GPC6: variants seen among roughly 807,000 people sequenced by gnomAD.
The protein encoded by GPC6 is glypican 6, also known as glypican-6.
In GPC6, 14 loss-of-function variants were observed where a neutral mutation model predicts 55.2. The observed-to-expected ratio is 0.25, with a 90% confidence interval of 0.17 to 0.40. The LOEUF is 0.40. Ranked by LOEUF, GPC6 falls within the 10% of genes least tolerant of loss-of-function variation. The pLI is 1.00. For missense variants in GPC6, 641 were observed against 708.5 expected (o/e 0.90, Z 1.08); for synonymous variants, 278 against 259.6 (o/e 1.07, Z -0.68).
intron 2 of GPC6, among the ~76,000 whole-genome samples, chr13:93,625,532 A>G (rs1879163878): frequency 6.6e-6 from 1 of 152,146 alleles, no homozygotes; most frequent in Admixed American, 6.5e-5. Flanking sequence ...TCCAGGTGTC[A>G]ACCCAGGTAG....
At chr13:93,345,123 G>A (rs1014342749) in intron 1 of GPC6, among the ~76,000 whole-genome samples, 1 of 152,164 alleles carries the variant, frequency 6.6e-6, no homozygotes, top group Non-Finnish European at 1.5e-5. Flanking sequence ...TGATTAAAAT[G>A]TTGAGGGCTT....
intron 3 of GPC6, among the ~76,000 whole-genome samples, chr13:93,946,652 C>T (rs1879024798): frequency 6.6e-6 from 1 of 152,082 alleles, no homozygotes; most frequent in Non-Finnish European, 1.5e-5. Flanking sequence ...TTTGTACAGG[C>T]CAAGGCCTCA....
intron 6 of GPC6, among the ~76,000 whole-genome samples, chr13:94,376,653 C>T (rs1012255763): frequency 6.6e-6 from 1 of 151,722 alleles, no homozygotes; most frequent in Non-Finnish European, 1.5e-5. Flanking sequence ...CAATGCCATC[C>T]CCATCAAGCT....
At position 93,895,234 on chromosome 13, in the gene GPC6, G is replaced by GTGTATATA. The variant is rs1196315147; in HGVS notation, c.711+64690_711+64691insGTATATAT. 1.1e-3 allele frequency among the ~76,000 whole-genome samples: 116 copies of GTGTATATA among 108,182 alleles called. 2 individuals are homozygous for GTGTATATA. The highest frequency in any genetic ancestry group is 5.4e-3 in the Middle Eastern group (1 of 186). 71.0% of individuals were successfully genotyped at this position (108,182 alleles called of 152,430 possible). The stretch of plus-strand genomic sequence containing the variant: ...TGTGTGTGTATGTATGTGTGTGTGT[G>GTGTATATA]TATATATATATATATATATATATAT... On this transcript the variant is annotated intron_variant, in intron 3 of 8. Coordinates refer to ENST00000377047, the MANE Select transcript of GPC6 (RefSeq NM_005708.5).
At chr13:93,883,388 A>G (rs1306731242) in intron 3 of GPC6, among the ~76,000 whole-genome samples, 3 of 152,106 alleles carry the variant, frequency 2.0e-5, no homozygotes, top group East Asian at 1.9e-4. Flanking sequence ...GTAATTGTCC[A>G]TATACCAGCA....
At chr13:93,328,145 G>A (rs1594099458) in intron 1 of GPC6, among the ~76,000 whole-genome samples, 1 of 151,696 alleles carries the variant, frequency 6.6e-6, no homozygotes, top group South Asian at 2.1e-4. Flanking sequence ...TCTACCTCAG[G>A]AACCTATCTG....
chr13:93,764,170 T>C (rs1885039747), intron 2 of GPC6, among the ~76,000 whole-genome samples: 1 of 152,112 alleles, frequency 6.6e-6, no homozygotes, highest in Non-Finnish European at 1.5e-5. Context: ...CCTTTTGCTA[T>C]ATGTTAGACC....
chr13:93,680,684 G>C (rs1267352002), intron 2 of GPC6, among the ~76,000 whole-genome samples: 1 of 152,186 alleles, frequency 6.6e-6, no homozygotes, highest in African/African-American at 2.4e-5. Context: ...GTCAGTGGAA[G>C]AGGCTGCTCT....
intron 4 of GPC6, among the ~76,000 whole-genome samples, chr13:94,110,901 T>C (rs1886221892): frequency 6.6e-6 from 1 of 152,172 alleles, no homozygotes; most frequent in Non-Finnish European, 1.5e-5. Context: ...TACTGGCTCA[T>C]AAAATATGAC....
At chr13:93,282,178 A>G (rs1877973461) in intron 1 of GPC6, among the ~76,000 whole-genome samples, 1 of 152,194 alleles carries the variant, frequency 6.6e-6, no homozygotes, top group African/African-American at 2.4e-5. Context: ...TTTGAAGTGA[A>G]TATTTTTACA....
At chr13:93,424,945 C>T (rs1877068516) in intron 1 of GPC6, among the ~76,000 whole-genome samples, 1 of 152,114 alleles carries the variant, frequency 6.6e-6, no homozygotes, top group Non-Finnish European at 1.5e-5. Context: ...GGACATAGTA[C>T]TTTCTAAATG....
Position 93,227,309 on chromosome 13 carries a change from G to A in GPC6, c.-148G>A. 1 of 730,596 alleles carries A rather than the reference G, an allele frequency of 1.4e-6. No individual in the cohort carries two copies. The highest frequency in any genetic ancestry group is 2.3e-6 in the Non-Finnish European group (1 of 432,592). The allele number at this position is 730,596 out of a possible 1,614,324, so 45.3% of individuals were successfully genotyped here. A position where few individuals can be genotyped will look rare whatever the true frequency, so the allele number is the denominator to read the frequency against. On this transcript the variant is annotated 5_prime_UTR_variant, in exon 1 of 9. Coordinates refer to ENST00000377047, the MANE Select transcript of GPC6 (RefSeq NM_005708.5). The surrounding 1 kb of genome is among the most constrained non-coding windows in gnomAD (Gnocchi z 4.3). ...TGCTGAGCGCAGTCCAGAGGGCTGC[G>A]CTGCTCGTCCCCTCGGCTGGCAGAA...
intron 2 of GPC6, among the ~76,000 whole-genome samples, chr13:93,561,240 T>C (rs779502155): frequency 6.6e-5 from 10 of 151,946 alleles, no homozygotes; most frequent in Non-Finnish European, 4.4e-5. Flanking sequence ...GTGATAATAG[T>C]AAATTTAAAG....
chr13:93,498,199 G>T (rs1338172334), intron 1 of GPC6, among the ~76,000 whole-genome samples: 1 of 152,128 alleles, frequency 6.6e-6, no homozygotes, highest in Non-Finnish European at 1.5e-5. Flanking sequence ...TAGACAACCT[G>T]TGCAGCTAAT....
chr13:93,479,365 C>T (rs556647967), intron 1 of GPC6, among the ~76,000 whole-genome samples: 11 of 152,156 alleles, frequency 7.2e-5, no homozygotes, highest in South Asian at 4.1e-4. Flanking sequence ...ACATCAAGCA[C>T]GATAAACATT....
intron 3 of GPC6, among the ~76,000 whole-genome samples, chr13:93,920,266 A>G (rs893795974): frequency 6.6e-6 from 1 of 151,760 alleles, no homozygotes; most frequent in Non-Finnish European, 1.5e-5. Context: ...TTCTATTTTC[A>G]TGCCTTCAAA....
chr13:93,944,597 A>G (rs930254086), intron 3 of GPC6, among the ~76,000 whole-genome samples: 1 of 152,336 alleles, frequency 6.6e-6, no homozygotes, highest in East Asian at 1.9e-4. Context: ...GCCACTAGGC[A>G]GTTAGAAAAG....
intron 2 of GPC6, among the ~76,000 whole-genome samples, chr13:93,574,140 A>G (rs938572883): frequency 6.6e-6 from 1 of 152,138 alleles, no homozygotes; most frequent in Admixed American, 6.6e-5. Flanking sequence ...TAGAGGCTGA[A>G]TTGTGTCTCC....
At chr13:94,261,385 A>T (rs1891654139) in intron 4 of GPC6, among the ~76,000 whole-genome samples, 1 of 152,238 alleles carries the variant, frequency 6.6e-6, no homozygotes, top group African/African-American at 2.4e-5. Flanking sequence ...TGGGTTCAGC[A>T]GGAAGAGCAA....
Sources: gnomAD v4.1 joint callset for allele counts (sites outside exome capture counted in the v4.1 genomes callset) on GRCh38, gnomAD v4.1.1 for gene constraint, Gnocchi (gnomAD v3.1) non-coding constraint, MANE v1.5 for transcripts, NCBI Gene and HGNC (gene_info 2026-07-23, HGNC 2026-07-21) for gene names.